The following WAPL variants were observed in gnomAD, a reference collection of about 807,000 sequenced individuals.
WAPL encodes the protein wings apart-like protein homolog.
In WAPL, 5 loss-of-function variants were observed where a neutral mutation model predicts 121.0. The ratio of observed to expected loss-of-function variants is 0.04; its 90% CI spans 0.02 to 0.09. The LOEUF is 0.09. Ranked by LOEUF, WAPL falls within the 10% of genes least tolerant of loss-of-function variation. The pLI, the probability that WAPL is intolerant of heterozygous loss-of-function variation, is 1.00. For synonymous variants in WAPL, 480 were observed against 481.5 expected, an observed-to-expected ratio of 1.00 and a Z score of 0.04; for missense variants, 999 against 1,410.8, an observed-to-expected ratio of 0.71 and a Z score of 4.68.
chr10:86,461,390 C>A (rs1841270593), intron 9 of WAPL, 103 bp from the exon 10 acceptor site: 1 of 794,418 alleles, frequency 1.3e-6, no homozygotes, highest in Admixed American at 2.5e-5. Flanking sequence ...TAGTTTAACA[C>A]CACTTTTATA....
At position 86,500,685 on chromosome 10, in the gene WAPL, A is replaced by G. The variant is rs1842231459; in HGVS notation, c.558T>C (p.Asn186=). 5 of 1,600,922 alleles carry G rather than the reference A, an allele frequency of 3.1e-6. No homozygotes were observed. Among genetic ancestry groups the G allele is most frequent in the East Asian group, 4.5e-5 (2 of 44,832 alleles). The change falls in exon 3 of 19, where the codon AAT becomes AAC. Residue 186 remains asparagine, a synonymous_variant. Coordinates refer to ENST00000298767, the MANE Select transcript of WAPL (RefSeq NM_015045.5). ...HEKNSHHIHK[N]ADDSTKKPNA... Reference sequence around the variant, plus strand: ...TGGGTTTCTTAGTACTGTCATCAGCATTTTTGTGAATATGGTGACTATTCT... The same window carrying G: ...TGGGTTTCTTAGTACTGTCATCAGCGTTTTTGTGAATATGGTGACTATTCT...
chr10:86,494,473 A>C (rs1039466341), intron 4 of WAPL, among the ~76,000 whole-genome samples: 3 of 152,244 alleles, frequency 2.0e-5, no homozygotes, highest in African/African-American at 7.2e-5. Context: ...TTTTCCTTGA[A>C]GTATTTGCTT....
At chr10:86,451,609 T>C (rs188535962) in intron 15 of WAPL, among the ~76,000 whole-genome samples, 3 of 152,204 alleles carry the variant, frequency 2.0e-5, no homozygotes, top group Admixed American at 1.3e-4. Flanking sequence ...GTCAGGCTGG[T>C]CTTGAACTCC....
At chr10:86,490,227 C>A (rs1158867917) in intron 4 of WAPL, among the ~76,000 whole-genome samples, 2 of 151,618 alleles carry the variant, frequency 1.3e-5, no homozygotes, top group Admixed American at 1.3e-4. Flanking sequence ...AAAAAAAACA[C>A]ATACACACAC....
At chr10:86,490,171 G>A (rs940592946) in intron 4 of WAPL, among the ~76,000 whole-genome samples, 1 of 151,520 alleles carries the variant, frequency 6.6e-6, no homozygotes, top group South Asian at 2.1e-4. Context: ...CCAAGATCGC[G>A]TCGCCACACT....
chr10:86,473,791 A>G (rs186284204), intron 5 of WAPL, 87 bp downstream of exon 5: 1 of 1,094,486 alleles, frequency 9.1e-7, no homozygotes, highest in East Asian at 2.5e-5. Flanking sequence ...AGAAAAGTCA[A>G]AGATTTACAA....
chr10:86,500,084 A>C lies in WAPL; in HGVS notation c.1159T>G (p.Ser387Ala). Residue 387 changes from serine (S) to alanine (A), a missense_variant, in exon 3 of 19, where the codon TCC (serine) becomes GCC (alanine). Physicochemically the swap from Ser to Ala is moderately conservative, Grantham distance 99 (BLOSUM62 1). This residue lies in a region of WAPL where 531 missense variants were observed against 563.1 expected (regional missense o/e 0.94). Coordinates refer to ENST00000298767, the MANE Select transcript of WAPL (RefSeq NM_015045.5). ...GCTTCTCCCAAATCTGCAGGAGTGG[A>C]TGCAGTGAACTCATCCATGCTGCGT... Reference protein sequence around the residue: ...MERSMDEFTASTPADLGEAGR... With the variant: ...MERSMDEFTAATPADLGEAGR... 1 of 1,614,140 alleles carries C rather than the reference A, an allele frequency of 6.2e-7. No individual in the cohort carries two copies. The highest frequency in any genetic ancestry group is 8.5e-7 in the Non-Finnish European group (1 of 1,180,032).
In WAPL at chr10:86,437,345, T is replaced by C. The variant is rs1015175331; in HGVS notation, c.*198A>G. On this transcript the variant is annotated 3_prime_UTR_variant, in exon 19 of 19. Coordinates refer to ENST00000298767, the MANE Select transcript of WAPL (RefSeq NM_015045.5). The stretch of plus-strand genomic sequence containing the variant: ...AACCTTTTCCCCTCATTTTTGATAG[T>C]TGCAGATTGATGTAGTAACTGTCAT... 151 of 543,334 alleles carry C rather than the reference T, an allele frequency of 2.8e-4. No individual in the cohort carries two copies. Among genetic ancestry groups the C allele is most frequent in the Non-Finnish European group, 3.4e-4 (107 of 311,336 alleles). The allele number at this position is 543,334 out of a possible 1,614,324, so 33.7% of individuals were successfully genotyped here.
At chr10:86,469,284 GCT>G (rs1321646166) in intron 8 of WAPL, among the ~76,000 whole-genome samples, 2 of 546 alleles carry the variant, frequency 3.7e-3, no homozygotes, top group Non-Finnish European at 0.011. Flanking sequence ...ACGGAGTCTC[GCT>G]CTGTCGCCCA....
At chr10:86,510,223 C>T (rs573707485) in intron 2 of WAPL, among the ~76,000 whole-genome samples, 16 of 151,798 alleles carry the variant, frequency 1.1e-4, no homozygotes, top group African/African-American at 3.4e-4. Context: ...TATAGGCACA[C>T]GCCACCACGC....
intron 13 of WAPL, 94 bp downstream of exon 13, chr10:86,453,557 TAAAAA>T: frequency 7.2e-7 from 1 of 1,390,718 alleles, no homozygotes; most frequent in South Asian, 1.5e-5. Flanking sequence ...TTATGACAAA[TAAAAA>T]AATCACTACC....
At chr10:86,504,692 C>A (rs959678987) in intron 2 of WAPL, among the ~76,000 whole-genome samples, 1 of 151,684 alleles carries the variant, frequency 6.6e-6, no homozygotes, top group Non-Finnish European at 1.5e-5. Context: ...CATAGCAGTA[C>A]GTGCTTATAG....
intron 17 of WAPL, among the ~76,000 whole-genome samples, chr10:86,439,074 CAA>C (rs1455792166): frequency 2.6e-5 from 4 of 152,120 alleles, no homozygotes; most frequent in Non-Finnish European, 5.9e-5. Flanking sequence ...AACCAAAAAA[CAA>C]AAAGAAAACA....
chr10:86,481,331 C>G (rs1841778772), intron 4 of WAPL, among the ~76,000 whole-genome samples: 1 of 151,864 alleles, frequency 6.6e-6, no homozygotes, highest in Admixed American at 6.6e-5. Context: ...AAAGGAGAGA[C>G]AGTGCAAAAC....
At chr10:86,509,077 C>T (rs1348315231) in intron 2 of WAPL, among the ~76,000 whole-genome samples, 1 of 152,164 alleles carries the variant, frequency 6.6e-6, no homozygotes, top group East Asian at 1.9e-4. Context: ...AGTCCTAATA[C>T]TTTTTCCTCT....
At chr10:86,516,016 G>A (rs1009491434) in intron 2 of WAPL, among the ~76,000 whole-genome samples, 9 of 151,818 alleles carry the variant, frequency 5.9e-5, no homozygotes, top group South Asian at 4.2e-4. Context: ...AGAGGCACCC[G>A]CCACCATGCC....
intron 9 of WAPL, among the ~76,000 whole-genome samples, chr10:86,466,466 G>T (rs969186163): frequency 1.3e-5 from 2 of 152,006 alleles, no homozygotes; most frequent in Non-Finnish European, 2.9e-5. Context: ...GCTACTTGGG[G>T]GGCTGAGGTG....
intron 4 of WAPL, among the ~76,000 whole-genome samples, chr10:86,492,363 C>T (rs953330888): frequency 3.9e-5 from 6 of 152,050 alleles, no homozygotes; most frequent in Admixed American, 1.3e-4. Flanking sequence ...ACAATGGATA[C>T]GAAAATGAGG....
chr10:86,473,409 G>A (rs1489588094), intron 5 of WAPL, among the ~76,000 whole-genome samples: 3 of 152,114 alleles, frequency 2.0e-5, no homozygotes, highest in African/African-American at 7.2e-5. Flanking sequence ...AGTCATTCTG[G>A]AGAAAATAAG....
Sources: gnomAD v4.1 joint callset for allele counts (sites outside exome capture counted in the v4.1 genomes callset) on GRCh38, gnomAD v4.1.1 for gene constraint, gnomAD v4.1.1 regional missense constraint, MANE v1.5 for transcripts, NCBI Gene and HGNC (gene_info 2026-07-23, HGNC 2026-07-21) for gene names.